Variants in USP13 observed in about 807,000 individuals in gnomAD.
USP13 encodes ubiquitin carboxyl-terminal hydrolase 13.
In USP13, 68 loss-of-function variants were observed where a neutral mutation model predicts 107.8. The ratio of observed to expected loss-of-function variants is 0.63; its 90% CI spans 0.52 to 0.77. The LOEUF is 0.77. Ranked by LOEUF, USP13 falls within the 30% of genes least tolerant of loss-of-function variation. The pLI is 0.00. For missense variants in USP13, 945 were observed against 1,093.3 expected, an observed-to-expected ratio of 0.86 and a Z score of 1.91; for synonymous variants, 377 against 389.5, an observed-to-expected ratio of 0.97 and a Z score of 0.38.
rs751500847 is a variant in USP13, at chr3:179,701,139, T to C, written c.477+10T>C. Reference sequence around the variant, plus strand: ...GGAGTTACCAGCCCTGGTCAGTGAGTGTGCACGGCTGCTAGCTAGATGCGC... The same window carrying C: ...GGAGTTACCAGCCCTGGTCAGTGAGCGTGCACGGCTGCTAGCTAGATGCGC... On this transcript the variant is annotated intron_variant, in intron 4 of 20. Transcript: ENST00000263966. The C allele has an allele frequency of 2.7e-6, 4 of 1,461,706 alleles. No homozygotes were observed. In the African/African-American group the frequency reaches 4.4e-5, roughly 16 times the overall value. The allele number at this position is 1,461,706 out of a possible 1,614,324, so 90.5% of individuals were successfully genotyped here. A position where few individuals can be genotyped will look rare whatever the true frequency, so the allele number is the denominator to read the frequency against.
At chr3:179,749,955 A>G (rs1192317985) in intron 13 of USP13, among the ~76,000 whole-genome samples, 4 of 152,134 alleles carry the variant, frequency 2.6e-5, no homozygotes, top group African/African-American at 7.2e-5. Flanking sequence ...TAGGTAAGAA[A>G]AAGAACATTT....
intron 16 of USP13, among the ~76,000 whole-genome samples, chr3:179,759,439 G>A (rs1256511341): frequency 6.6e-6 from 1 of 152,106 alleles, no homozygotes; most frequent in Non-Finnish European, 1.5e-5. Context: ...CAGAACTTTT[G>A]AGTCTTCACT....
rs187136168 is a variant in USP13, at chr3:179,671,073, C to T, written c.169-10805C>T. Among the ~76,000 whole-genome samples, 416 of 152,050 alleles carry T rather than the reference C, an allele frequency of 2.7e-3. 5 individuals carry two copies. The highest frequency in any genetic ancestry group is 9.2e-3 in the African/African-American group (380 of 41,508). Reference sequence around the variant, plus strand: ...TTCGAGACCAGTCTGGACAACATGTCGAAACCCCGTCTCTACTAAAAATAC... The same window carrying T: ...TTCGAGACCAGTCTGGACAACATGTTGAAACCCCGTCTCTACTAAAAATAC... On this transcript the variant is annotated intron_variant, in intron 1 of 20. Transcript: ENST00000263966.
intron 1 of USP13, among the ~76,000 whole-genome samples, chr3:179,668,246 C>T (rs901078007): frequency 9.9e-5 from 15 of 151,524 alleles, no homozygotes; most frequent in African/African-American, 2.7e-4. Context: ...GTGGTCCTCC[C>T]GCCTCAGCCT....
intron 4 of USP13, among the ~76,000 whole-genome samples, chr3:179,704,969 T>C (rs73172286): frequency 0.22 from 33,803 of 152,000 alleles, 3,991 homozygotes; most frequent in Admixed American, 0.31. Context: ...CAGATCACTC[T>C]GGCTGCTATG....
chr3:179,665,654 C>T (rs1353536241), intron 1 of USP13, among the ~76,000 whole-genome samples: 5 of 151,522 alleles, frequency 3.3e-5, no homozygotes, highest in African/African-American at 7.3e-5. Flanking sequence ...GGTGTGATCT[C>T]GGCTCACTGC....
intron 15 of USP13, among the ~76,000 whole-genome samples, chr3:179,755,849 G>A (rs557866279): frequency 6.6e-6 from 1 of 152,332 alleles, no homozygotes; most frequent in African/African-American, 2.4e-5. Context: ...GGTGACCATG[G>A]TCAGGTATAA....
intron 19 of USP13, among the ~76,000 whole-genome samples, chr3:179,777,443 C>CTTTTTTTTTTT (rs11317182): frequency 5.3e-5 from 6 of 113,696 alleles, no homozygotes; most frequent in African/African-American, 6.7e-5. Flanking sequence ...CTCTCTCTCT[C>CTTTTTTTTTTT]TTTTTTTTTT....
intron 6 of USP13, among the ~76,000 whole-genome samples, chr3:179,714,870 C>CTTTTTTTTTT (rs34976120): frequency 2.2e-5 from 3 of 137,472 alleles, no homozygotes; most frequent in Non-Finnish European, 3.1e-5. Flanking sequence ...TTTCCTTTTT[C>CTTTTTTTTTT]TTTTTTTTTT....
Position 179,681,968 on chromosome 3 carries a change from A to C in USP13, c.259A>C (p.Ser87Arg). Residue 87 changes from serine (S) to arginine (R), a missense_variant, in exon 2 of 21, where the codon AGT becomes CGT. Ser to Arg is a moderately radical substitution (Grantham distance 110, BLOSUM62 -1). Coordinates refer to ENST00000263966, the MANE Select transcript of USP13 (RefSeq NM_003940.3). ...VERHFRKTGQ[S>R]VYMHLKRHVR... ...AAGACATTTTCGAAAAACTGGACAGAGTGTATACATGCACCTGAAAAGACA... is the reference window on the plus strand; with the variant it reads ...AAGACATTTTCGAAAAACTGGACAGCGTGTATACATGCACCTGAAAAGACA... The C allele has an allele frequency of 6.2e-7, 1 of 1,614,046 alleles. No homozygotes were observed. The highest frequency in any genetic ancestry group is 8.5e-7 in the Non-Finnish European group (1 of 1,179,944).
At chr3:179,707,973 A>G (rs1481779617) in intron 5 of USP13, among the ~76,000 whole-genome samples, 1 of 152,250 alleles carries the variant, frequency 6.6e-6, no homozygotes, top group African/African-American at 2.4e-5. Flanking sequence ...CTTGGCATAT[A>G]GTTGACGTTT....
intron 7 of USP13, 95 bp downstream of exon 7, chr3:179,720,129 C>G (rs1486285635): frequency 6.0e-6 from 5 of 828,016 alleles, no homozygotes; most frequent in Non-Finnish European, 9.1e-6. Flanking sequence ...TATAATTCCT[C>G]TAACGTGGAT....
intron 16 of USP13, among the ~76,000 whole-genome samples, chr3:179,758,860 T>C (rs1246275995): frequency 3.3e-5 from 5 of 152,000 alleles, no homozygotes; most frequent in South Asian, 2.1e-4. Context: ...CATTTAGAGA[T>C]TATGGAGTAG....
At chr3:179,716,013 C>T (rs1049603937) in intron 6 of USP13, among the ~76,000 whole-genome samples, 4 of 152,152 alleles carry the variant, frequency 2.6e-5, no homozygotes, top group African/African-American at 7.2e-5. Context: ...CAACCTCCGC[C>T]TCCCAGGTTC....
chr3:179,754,657 G>A (rs1471002568), intron 14 of USP13, 75 bp from the exon 15 acceptor site: 9 of 1,526,296 alleles, frequency 5.9e-6, no homozygotes, highest in Non-Finnish European at 7.9e-6. Context: ...ACACATGCAT[G>A]TAGAGTTATA....
intron 19 of USP13, among the ~76,000 whole-genome samples, chr3:179,766,160 A>G (rs960443592): frequency 1.3e-5 from 2 of 151,870 alleles, no homozygotes; most frequent in Non-Finnish European, 2.9e-5. Flanking sequence ...TTGTATTTTT[A>G]GTAGAGACGG....
At chr3:179,686,751 C>T (rs764776015) in intron 2 of USP13, among the ~76,000 whole-genome samples, 1 of 152,236 alleles carries the variant, frequency 6.6e-6, no homozygotes, top group Non-Finnish European at 1.5e-5. Flanking sequence ...TAACACTGCC[C>T]AGGTTGTCAG....
chr3:179,755,843 A>T (rs1027286080), intron 15 of USP13, among the ~76,000 whole-genome samples: 4 of 152,194 alleles, frequency 2.6e-5, no homozygotes, highest in African/African-American at 7.2e-5. Flanking sequence ...AGTGAAGGTG[A>T]CCATGGTCAG....
chr3:179,746,135 T>C (rs1036730470), intron 13 of USP13, among the ~76,000 whole-genome samples: 16 of 150,228 alleles, frequency 1.1e-4, no homozygotes, highest in Admixed American at 6.0e-4. Flanking sequence ...ATGGAACGGC[T>C]GGTGTGGGCT....
Sources: allele counts gnomAD v4.1 joint callset (sites outside exome capture counted in the v4.1 genomes callset), GRCh38; gene constraint gnomAD v4.1.1; transcripts MANE v1.5; gene names NCBI Gene and HGNC (gene_info 2026-07-23, HGNC 2026-07-21).